CDIN1: variants seen among roughly 807,000 people sequenced by gnomAD.
CDIN1 encodes the protein CDAN1-interacting nuclease 1.
CDIN1 carries 33 observed loss-of-function variants against 45.3 expected under a neutral mutation model. That is an observed-to-expected ratio of 0.73 (90% CI 0.55 to 0.97). The LOEUF (loss-of-function observed/expected upper bound fraction) is 0.97, where lower values mean the gene tolerates loss of function less well. CDIN1 is among the 50% of genes least tolerant of loss of function. The pLI, the probability that CDIN1 is intolerant of heterozygous loss-of-function variation, is 0.00. For synonymous variants in CDIN1, 118 were observed against 124.4 expected (o/e 0.95, Z 0.34); for missense variants, 303 against 339.4 (o/e 0.89, Z 0.84).
intron 10 of CDIN1, among the ~76,000 whole-genome samples, chr15:36,751,590 G>A (rs374852715): frequency 4.6e-4 from 70 of 151,914 alleles, no homozygotes; most frequent in African/African-American, 1.4e-3. Context: ...ACAGTGTGGC[G>A]ATTACTCAAT....
At chr15:36,657,789 C>A in intron 4 of CDIN1, 44 bp from the exon 5 acceptor site, 1 of 1,502,830 alleles carries the variant, frequency 6.7e-7, no homozygotes, top group Non-Finnish European at 9.1e-7. Flanking sequence ...ATCCACTGCT[C>A]GCACAACTTG....
intron 10 of CDIN1, among the ~76,000 whole-genome samples, chr15:36,752,286 A>G (rs1037655081): frequency 6.6e-6 from 1 of 152,224 alleles, no homozygotes. Context: ...ATTAAATACA[A>G]TGTTTAATTG....
Position 36,808,606 on chromosome 15 carries a change from A to C in CDIN1, c.*153A>C. The C allele has an allele frequency of 9.7e-7, 1 of 1,027,162 alleles. No homozygotes were observed. Among genetic ancestry groups the C allele is most frequent in the Non-Finnish European group, 1.4e-6 (1 of 718,866 alleles). The allele number at this position is 1,027,162 out of a possible 1,614,324, so 63.6% of individuals were successfully genotyped here. A position where few individuals can be genotyped will look rare whatever the true frequency, so the allele number is the denominator to read the frequency against. On this transcript the variant is annotated 3_prime_UTR_variant, in exon 11 of 11. Coordinates refer to ENST00000566621, the MANE Select transcript of CDIN1 (RefSeq NM_001321759.2). ...CACCACTACCTCTTTAGACAAACAT[A>C]TCAAGAGTTTCTGTTTTCCTTCATC...
chr15:36,703,978 C>A (rs2042771613), intron 8 of CDIN1, among the ~76,000 whole-genome samples: 1 of 152,150 alleles, frequency 6.6e-6, no homozygotes, highest in African/African-American at 2.4e-5. Context: ...GGCCTTGCAT[C>A]ACAGCTACTA....
At chr15:36,764,076 C>T (rs1348998530) in intron 10 of CDIN1, among the ~76,000 whole-genome samples, 1 of 152,162 alleles carries the variant, frequency 6.6e-6, no homozygotes, top group Non-Finnish European at 1.5e-5. Context: ...ATCAGTTTGA[C>T]CTCACACTCA....
At chr15:36,718,187 G>A (rs111599362) in intron 10 of CDIN1, among the ~76,000 whole-genome samples, 12 of 152,010 alleles carry the variant, frequency 7.9e-5, no homozygotes, top group African/African-American at 2.7e-4. Context: ...GTTCATATAC[G>A]TGTGGGCCTG....
chr15:36,711,005 C>T (rs747438113), intron 10 of CDIN1, among the ~76,000 whole-genome samples: 7 of 152,052 alleles, frequency 4.6e-5, no homozygotes, highest in Admixed American at 1.3e-4. Flanking sequence ...TGTAATTGTG[C>T]GTGGCATCCG....
At chr15:36,621,872 G>GTTTTTTGTT (rs1555385100) in intron 1 of CDIN1, among the ~76,000 whole-genome samples, 99 of 142,398 alleles carry the variant, frequency 7.0e-4, no homozygotes, top group Non-Finnish European at 1.0e-3. Flanking sequence ...AACAAGTTCA[G>GTTTTTTGTT]TTTTTTTTTT....
At chr15:36,689,795 T>C (rs2042178515) in intron 5 of CDIN1, among the ~76,000 whole-genome samples, 1 of 152,208 alleles carries the variant, frequency 6.6e-6, no homozygotes, top group Non-Finnish European at 1.5e-5. Context: ...CAGAAATAAT[T>C]GAGTCCAACC....
chr15:36,631,401 T>C (rs2039671933), intron 1 of CDIN1, among the ~76,000 whole-genome samples: 1 of 152,174 alleles, frequency 6.6e-6, no homozygotes, highest in Admixed American at 6.5e-5. Flanking sequence ...TCCCATATTA[T>C]CAGTCACTCC....
rs1022190030 is a variant in CDIN1 at position 36,802,253 on chromosome 15, A to G, written c.717-6071A>G. On this transcript the variant is annotated intron_variant, in intron 10 of 10. Transcript: ENST00000566621. ...CAGTGAGTACCAAATTAGTCTGTACATGTAAAAGTTCTTGAAACACTGCCT... is the reference window on the plus strand; with the variant it reads ...CAGTGAGTACCAAATTAGTCTGTACGTGTAAAAGTTCTTGAAACACTGCCT... Among the ~76,000 whole-genome samples, 3 of 152,184 alleles carry G rather than the reference A, an allele frequency of 2.0e-5. No homozygotes were observed. In the East Asian group the frequency reaches 5.8e-4, roughly 29 times the overall value.
intron 10 of CDIN1, among the ~76,000 whole-genome samples, chr15:36,722,980 TGTGTG>T (rs1566930816): frequency 4.0e-4 from 54 of 136,038 alleles, no homozygotes; most frequent in Admixed American, 1.2e-3. Flanking sequence ...TGTGTGTGTG[TGTGTG>T]TTTCTCTCTC....
At chr15:36,676,307 GC>G (rs1033495768) in intron 5 of CDIN1, among the ~76,000 whole-genome samples, 3 of 152,060 alleles carry the variant, frequency 2.0e-5, no homozygotes, top group Non-Finnish European at 4.4e-5. Flanking sequence ...ACACTTTTGT[GC>G]CCCCTTTCCT....
At chr15:36,673,962 C>G (rs1384296201) in intron 5 of CDIN1, among the ~76,000 whole-genome samples, 1 of 151,936 alleles carries the variant, frequency 6.6e-6, no homozygotes, top group African/African-American at 2.4e-5. Context: ...GAATTTTTCT[C>G]TAGTACATAC....
intron 10 of CDIN1, among the ~76,000 whole-genome samples, chr15:36,802,785 TATATC>T (rs1251460417): frequency 1.3e-5 from 2 of 152,272 alleles, no homozygotes; most frequent in East Asian, 1.9e-4. Context: ...GAAAGATACT[TATATC>T]ATATTCTGTC....
At chr15:36,660,637 C>G (rs2040974239) in intron 5 of CDIN1, among the ~76,000 whole-genome samples, 1 of 152,044 alleles carries the variant, frequency 6.6e-6, no homozygotes, top group South Asian at 2.1e-4. Flanking sequence ...AAAAAGAAAC[C>G]TGAGTGGCTC....
At chr15:36,767,193 A>G (rs911149809) in intron 10 of CDIN1, among the ~76,000 whole-genome samples, 13 of 152,088 alleles carry the variant, frequency 8.5e-5, no homozygotes, top group Non-Finnish European at 1.9e-4. Flanking sequence ...ATGGATCTAT[A>G]TTTTTAATAC....
At chr15:36,669,976 T>C (rs1474297423) in intron 5 of CDIN1, among the ~76,000 whole-genome samples, 1 of 152,074 alleles carries the variant, frequency 6.6e-6, no homozygotes, top group African/African-American at 2.4e-5. Context: ...TGGAAGCAAG[T>C]CACTAAATTT....
At chr15:36,692,016 TGGGGGGCGG>T in intron 6 of CDIN1, 101 bp from the exon 7 acceptor site, 1 of 521,034 alleles carries the variant, frequency 1.9e-6, no homozygotes, top group Non-Finnish European at 2.4e-6. Flanking sequence ...TTTCTTTTTT[TGGGGGGCGG>T]GGGTGGGGGA....
Sources: gnomAD v4.1 joint callset for allele counts (sites outside exome capture counted in the v4.1 genomes callset) on GRCh38, gnomAD v4.1.1 for gene constraint, MANE v1.5 for transcripts, NCBI Gene and HGNC (gene_info 2026-07-23, HGNC 2026-07-21) for gene names.